SAG: variants seen among roughly 807,000 people sequenced by gnomAD.
SAG encodes S-antigen visual arrestin.
A neutral mutation model predicts 55.0 loss-of-function variants in SAG; 45 were observed. The observed-to-expected ratio is 0.82, with a 90% CI of 0.64 to 1.05. The LOEUF is 1.05. Ranked by LOEUF, SAG falls within the 50% of genes least tolerant of loss-of-function variation. SAG has a pLI of 0.00. For synonymous variants in SAG, 189 were observed against 197.4 expected (o/e 0.96, Z 0.36); for missense variants, 455 against 512.1 (o/e 0.89, Z 1.08).
At chr2:233,336,882 G>A (rs1700948817) in intron 11 of SAG, among the ~76,000 whole-genome samples, 2 of 152,162 alleles carry the variant, frequency 1.3e-5, no homozygotes, top group Non-Finnish European at 2.9e-5. Context: ...AATCGCTTGA[G>A]CCCAGGAGTT....
At position 233,320,674 on chromosome 2, in the gene SAG, A is replaced by G. The variant is rs7565275; in HGVS notation, c.226A>G (p.Ile76Val). The G allele has an allele frequency of 0.055, 88,682 of 1,606,718 alleles. 2,784 individuals carry two copies. Among genetic ancestry groups the G allele is most frequent in the South Asian group, 0.1 (9,313 of 89,522 alleles). The part of the protein sequence containing the change: ...TCAFRYGQED[I>V]DVIGLTFRRD... Reference sequence around the variant, plus strand: ...CGCCTTCCGCTATGGCCAAGAGGACATTGACGTGATCGGCTTGACCTTCCG... The same window carrying G: ...CGCCTTCCGCTATGGCCAAGAGGACGTTGACGTGATCGGCTTGACCTTCCG... Residue 76 changes from isoleucine to valine, a missense_variant, in exon 5 of 16, where the codon ATT becomes GTT. By Grantham distance (29) the Ile-to-Val change is conservative. Transcript: ENST00000409110.
Position 233,328,598 on chromosome 2 carries a change from C to T in SAG, c.633C>T (p.Val211=), listed in dbSNP as rs773755736. The T allele has an allele frequency of 6.2e-7, 1 of 1,612,110 alleles. No individual in the cohort carries two copies. Among genetic ancestry groups the T allele is most frequent in the East Asian group, 2.2e-5 (1 of 44,830 alleles). The change falls in exon 8 of 16, where the codon GTC becomes GTT. Residue 211 remains valine, a synonymous_variant. Transcript: ENST00000409110. ...FMSDKPLHLA[V]SLNKEIYFHG... is the part of the protein sequence containing the mutation. ...CTGACAAGCCCCTGCACCTTGCGGT[C>T]TCTCTCAACAAAGAGGTAACCACCT...
intron 13 of SAG, among the ~76,000 whole-genome samples, chr2:233,341,332 T>C (rs1052505672): frequency 2.6e-5 from 4 of 152,162 alleles, no homozygotes; most frequent in Non-Finnish European, 5.9e-5. Context: ...ATGCAGTACA[T>C]AACCTCAATG....
At chr2:233,320,506 A>C in intron 4 of SAG, 124 bp from the exon 5 acceptor site, 1 of 691,048 alleles carries the variant, frequency 1.4e-6, no homozygotes, top group Non-Finnish European at 2.3e-6. Flanking sequence ...GGTTCTCTCC[A>C]ATCCCAGCCC....
intron 2 of SAG, among the ~76,000 whole-genome samples, chr2:233,311,685 G>T (rs1700078667): frequency 6.6e-6 from 1 of 152,146 alleles, no homozygotes; most frequent in African/African-American, 2.4e-5. Context: ...CCTTCCTGTT[G>T]CAGTGGAAGG....
chr2:233,320,454 G>A (rs896574169), intron 4 of SAG, among the ~76,000 whole-genome samples, 176 bp from the exon 5 acceptor site: 1 of 152,220 alleles, frequency 6.6e-6, no homozygotes. Context: ...CCCTCATGAA[G>A]GGGCTGATTC....
chr2:233,345,986 C>G (rs1055620898), intron 14 of SAG: 4 of 153,800 alleles, frequency 2.6e-5, no homozygotes, highest in Non-Finnish European at 5.8e-5. Context: ...AACCCCTTCT[C>G]TACTACAGAT....
chr2:233,324,181 C>T (rs1007842373), intron 6 of SAG, among the ~76,000 whole-genome samples: 1 of 151,886 alleles, frequency 6.6e-6, no homozygotes, highest in Admixed American at 6.6e-5. Context: ...CGGATCAACC[C>T]AGGAGTTCAA....
At position 233,331,670 on chromosome 2, in the gene SAG, C is replaced by G. The variant is rs1441224639; in HGVS notation, c.764C>G (p.Ser255Trp). The G allele has an allele frequency of 2.5e-6, 4 of 1,613,772 alleles. No homozygotes were observed. The highest frequency in any genetic ancestry group is 1.7e-5 in the Admixed American group (1 of 59,998). Reference sequence around the variant, plus strand: ...CAGGTGGCCAATGTGGTTCTCTACTCGAGTGATTATTACGTCAAGCCCGTG... The same window carrying G: ...CAGGTGGCCAATGTGGTTCTCTACTGGAGTGATTATTACGTCAAGCCCGTG... ...VEQVANVVLY[S>W]SDYYVKPVAM... Residue 255 changes from serine to tryptophan, a missense_variant, in exon 10 of 16, where the codon TCG (serine) becomes TGG (tryptophan). Coordinates refer to ENST00000409110, the MANE Select transcript of SAG (RefSeq NM_000541.5).
chr2:233,327,387 G>A (rs1700595129), intron 7 of SAG, 190 bp downstream of exon 7: 2 of 515,514 alleles, frequency 3.9e-6, no homozygotes, highest in African/African-American at 1.9e-5. Flanking sequence ...GAAAATGACA[G>A]GGAAGTTAGC....
chr2:233,309,354 CA>C, intron 2 of SAG, 90 bp downstream of exon 2: 2 of 1,221,930 alleles, frequency 1.6e-6, no homozygotes, highest in Non-Finnish European at 1.2e-6. Context: ...TGATCAACAT[CA>C]AAACTCTTTG....
Position 233,309,367 on chromosome 2 carries a change from G to A in SAG, c.75+103G>A, listed in dbSNP as rs1700015611. The A allele has an allele frequency of 2.8e-6, 3 of 1,067,560 alleles. No individual in the cohort carries two copies. In the South Asian group the frequency reaches 4.0e-5, roughly 14 times the overall value. 66.1% of individuals were successfully genotyped at this position (1,067,560 alleles called of 1,614,324 possible). On this transcript the variant is annotated intron_variant, in intron 2 of 15. Transcript: ENST00000409110. ...CATGATCAACATCAAAACTCTTTGAGGGCCAGGGCGCGGTGGCTCATGCCT... is the reference window on the plus strand; with the variant it reads ...CATGATCAACATCAAAACTCTTTGAAGGCCAGGGCGCGGTGGCTCATGCCT...
intron 14 of SAG, 171 bp from the exon 15 acceptor site, chr2:233,346,232 G>A (rs1382633673): frequency 9.9e-6 from 5 of 507,078 alleles, no homozygotes; most frequent in Non-Finnish European, 1.0e-5. Flanking sequence ...AGGCAGGGAG[G>A]CAGGAATTAC....
At chr2:233,314,931 G>A (rs1227453899) in intron 2 of SAG, among the ~76,000 whole-genome samples, 2 of 152,200 alleles carry the variant, frequency 1.3e-5, no homozygotes, top group Non-Finnish European at 1.5e-5. Context: ...ATGAAAGAGT[G>A]TACTCTCATT....
chr2:233,320,365 C>T (rs1247407021), intron 4 of SAG, among the ~76,000 whole-genome samples: 1 of 152,206 alleles, frequency 6.6e-6, no homozygotes, highest in African/African-American at 2.4e-5. Context: ...ACTGGGTCCT[C>T]TGTCTTCAGA....
intron 8 of SAG, 47 bp downstream of exon 8, chr2:233,328,660 G>T (rs1377676828): frequency 6.4e-7 from 1 of 1,560,672 alleles, no homozygotes; most frequent in African/African-American, 1.4e-5. Context: ...AGGCCTAGGG[G>T]CAGGCCCCAC....
At chr2:233,333,185 C>T (rs1700822308) in intron 10 of SAG, 1 of 152,292 alleles carries the variant, frequency 6.6e-6, no homozygotes, top group Non-Finnish European at 1.5e-5. Context: ...GGGAGGGAGA[C>T]AGGAAAGAAC....
chr2:233,331,235 C>T (rs1443102493), intron 9 of SAG, among the ~76,000 whole-genome samples: 3 of 152,232 alleles, frequency 2.0e-5, no homozygotes, highest in African/African-American at 7.2e-5. Context: ...CCCAAACAGC[C>T]TGGCTCCAGG....
rs560482051 is a variant in SAG at position 233,316,555 on chromosome 2, C to T, written c.136+420C>T. 1.1e-3 allele frequency among the ~76,000 whole-genome samples: 169 copies of T among 152,252 alleles called. 1 individual carries two copies. Among genetic ancestry groups the T allele is most frequent in the Non-Finnish European group, 1.2e-4 (8 of 68,018 alleles). The stretch of plus-strand genomic sequence containing the variant: ...CAAACTCCTGACCTCAGGTGATCCG[C>T]CCGCCTCGGCCTCCCAAAGTGCTGG... On this transcript the variant is annotated intron_variant, in intron 3 of 15. Coordinates refer to ENST00000409110, the MANE Select transcript of SAG (RefSeq NM_000541.5).
Sources: allele counts gnomAD v4.1 joint callset (sites outside exome capture counted in the v4.1 genomes callset), GRCh38; gene constraint gnomAD v4.1.1; transcripts MANE v1.5; gene names NCBI Gene and HGNC (gene_info 2026-07-23, HGNC 2026-07-21).